KCNQ1OT1: variants seen among roughly 807,000 people sequenced by gnomAD.
KCNQ1OT1 encodes KCNQ1 antisense RNA 2 (non-protein coding).
Position 2,642,122 on chromosome 11 carries a change from C to A in KCNQ1OT1, n.57873G>T, listed in dbSNP as rs1410409926. On this transcript the variant is annotated non_coding_transcript_exon_variant, in exon 1 of 1. Transcript: ENST00000597346. This position sits in a 1 kb window ranked among gnomAD's most constrained non-coding sequence, Gnocchi z 4.3. Reference sequence around the variant, plus strand: ...TATTCCAGCTCTTTTTTGGTTCCATCTGAATTTTAGGATTTTTTCTATTTC... The same window carrying A: ...TATTCCAGCTCTTTTTTGGTTCCATATGAATTTTAGGATTTTTTCTATTTC... 5.0e-6 allele frequency: 2 copies of A among 398,252 alleles called. No homozygotes were observed. Among genetic ancestry groups the A allele is most frequent in the African/African-American group, 4.1e-5 (2 of 48,706 alleles). 24.7% of individuals were successfully genotyped at this position (398,252 alleles called of 1,614,324 possible). A position where few individuals can be genotyped will look rare whatever the true frequency, so the allele number is the denominator to read the frequency against.
Position 2,682,478 on chromosome 11 carries a change from G to GTGAGTGAGTGAA in KCNQ1OT1, n.17516_17517insTTCACTCACTCA. 1 of 378,870 alleles carries GTGAGTGAGTGAA rather than the reference G, an allele frequency of 2.6e-6. No individual in the cohort carries two copies. The allele number at this position is 378,870 out of a possible 1,614,324, so 23.5% of individuals were successfully genotyped here. A position where few individuals can be genotyped will look rare whatever the true frequency, so the allele number is the denominator to read the frequency against. On this transcript the variant is annotated non_coding_transcript_exon_variant, in exon 1 of 1. Transcript: ENST00000597346. This position sits in a 1 kb window ranked among gnomAD's most constrained non-coding sequence, Gnocchi z 5.8. ...CGGACCCTCAGTGAATGTTTGACGA[G>GTGAGTGAGTGAA]TGAGTGAGTGAGTGAGTGAGTGAGT...
chr11:2,627,686 GTGTC>G lies in KCNQ1OT1; in HGVS notation n.72305_72308del. On this transcript the variant is annotated non_coding_transcript_exon_variant, in exon 1 of 1. Transcript: ENST00000597346. This position sits in a 1 kb window ranked among gnomAD's most constrained non-coding sequence, Gnocchi z 4.9. ...TGTGTGTGTATATATGTGTGTGTGT[GTGTC>G]TGTATGTATATGTATGTGATGTGTT... is the stretch of plus-strand genomic sequence containing the variant. 1 of 398,478 alleles carries G rather than the reference GTGTC, an allele frequency of 2.5e-6. No individual in the cohort carries two copies. The highest frequency in any genetic ancestry group is 4.4e-6 in the Non-Finnish European group (1 of 226,034). The allele number at this position is 398,478 out of a possible 1,614,324, so 24.7% of individuals were successfully genotyped here.
At position 2,664,605 on chromosome 11, in the gene KCNQ1OT1, C is replaced by G. The variant is rs1442588764; in HGVS notation, n.35390G>C. On this transcript the variant is annotated non_coding_transcript_exon_variant, in exon 1 of 1. Transcript: ENST00000597346. This position sits in a 1 kb window ranked among gnomAD's most constrained non-coding sequence, Gnocchi z 5.1. Reference sequence around the variant, plus strand: ...GGGCTGCATTCCTCCACCTCCTGCACAGCCCGCCCAGTGATGCCCATAATT... The same window carrying G: ...GGGCTGCATTCCTCCACCTCCTGCAGAGCCCGCCCAGTGATGCCCATAATT... 2 of 398,586 alleles carry G rather than the reference C, an allele frequency of 5.0e-6. No individual in the cohort carries two copies. The highest frequency in any genetic ancestry group is 8.8e-6 in the Non-Finnish European group (2 of 226,168). 24.7% of individuals were successfully genotyped at this position (398,586 alleles called of 1,614,324 possible). A position where few individuals can be genotyped will look rare whatever the true frequency, so the allele number is the denominator to read the frequency against.
At chr11:2,629,624 A>C (rs1849320016) in exon 1 of KCNQ1OT1, 1 of 398,442 alleles carries the variant, frequency 2.5e-6, no homozygotes, top group Admixed American at 4.4e-5. Flanking sequence ...CATGCTTGTC[A>C]GAAATCATGC....
chr11:2,673,226 T>G lies in KCNQ1OT1; in HGVS notation n.26769A>C, dbSNP rs1590022861. 4 of 398,672 alleles carry G rather than the reference T, an allele frequency of 1.0e-5. No individual in the cohort carries two copies. 24.7% of individuals were successfully genotyped at this position (398,672 alleles called of 1,614,324 possible). ...CTGTGACTAGGCAAGCTGAGTCCCC[T>G]GTAGATTCTGGGGACTGGGTGATGC... is the stretch of plus-strand genomic sequence containing the variant. On this transcript the variant is annotated non_coding_transcript_exon_variant, in exon 1 of 1. Coordinates refer to ENST00000597346, the Ensembl canonical transcript of KCNQ1OT1. This position sits in a 1 kb window ranked among gnomAD's most constrained non-coding sequence, Gnocchi z 4.5.
At chr11:2,631,909 G>A (rs1007658113) in exon 1 of KCNQ1OT1, 8 of 397,490 alleles carry the variant, frequency 2.0e-5, no homozygotes, top group Admixed American at 4.4e-5. Flanking sequence ...AAAGCTGGGC[G>A]CAGTGGCTCA....
In KCNQ1OT1 at chr11:2,674,266, C is replaced by T. The variant is rs1016881853; in HGVS notation, n.25729G>A. ...CTGGAGGCCCCTCTCTCCCAGCCCC[C>T]GGCACACACACTAGGACCTTTCTTC... On this transcript the variant is annotated non_coding_transcript_exon_variant, in exon 1 of 1. Transcript: ENST00000597346. This position sits in a 1 kb window ranked among gnomAD's most constrained non-coding sequence, Gnocchi z 5.9. 1.8e-5 allele frequency: 7 copies of T among 398,552 alleles called. No homozygotes were observed. The highest frequency in any genetic ancestry group is 6.2e-5 in the African/African-American group (3 of 48,600). The allele number at this position is 398,552 out of a possible 1,614,324, so 24.7% of individuals were successfully genotyped here.
At chr11:2,697,284 T>C (rs1367866212) in exon 1 of KCNQ1OT1, 1 of 398,446 alleles carries the variant, frequency 2.5e-6, no homozygotes, top group Non-Finnish European at 4.4e-6. Context: ...ATACAACAAG[T>C]CGTAACACCA....
exon 1 of KCNQ1OT1, chr11:2,689,610 G>T (rs1193138584): frequency 1.3e-5 from 5 of 398,570 alleles, no homozygotes; most frequent in Non-Finnish European, 2.2e-5. Context: ...CAAGGATCCG[G>T]GTATTTTAGG....
chr11:2,652,538 G>C lies in KCNQ1OT1; in HGVS notation n.47457C>G. 2.5e-6 allele frequency: 1 copy of C among 398,598 alleles called. No homozygotes were observed. The highest frequency in any genetic ancestry group is 4.4e-6 in the Non-Finnish European group (1 of 226,064). The allele number at this position is 398,598 out of a possible 1,614,324, so 24.7% of individuals were successfully genotyped here. A position where few individuals can be genotyped will look rare whatever the true frequency, so the allele number is the denominator to read the frequency against. ...GTGAGCTCAACTCTTGGAGAAGATA[G>C]TGCTTAACCCAGATTCCATTGTATA... On this transcript the variant is annotated non_coding_transcript_exon_variant, in exon 1 of 1. Transcript: ENST00000597346. The surrounding 1 kb of genome is among the most constrained non-coding windows in gnomAD (Gnocchi z 5.9).
At position 2,609,686 on chromosome 11, in the gene KCNQ1OT1, T is replaced by C. The variant is rs1848946178; in HGVS notation, n.90309A>G. ...GTTCAGTTCTGTCAGTTTTTGCTTC[T>C]TATGTTTTAGTTCTCTATTGTTAGG... On this transcript the variant is annotated non_coding_transcript_exon_variant, in exon 1 of 1. Transcript: ENST00000597346. The C allele has an allele frequency of 1.3e-5, 5 of 398,406 alleles. No homozygotes were observed. The East Asian group carries it at 1.8e-4, about 14-fold the overall frequency. 24.7% of individuals were successfully genotyped at this position (398,406 alleles called of 1,614,324 possible).
Position 2,657,556 on chromosome 11 carries a change from C to T in KCNQ1OT1, n.42439G>A. On this transcript the variant is annotated non_coding_transcript_exon_variant, in exon 1 of 1. Transcript: ENST00000597346. The surrounding 1 kb of genome is among the most constrained non-coding windows in gnomAD (Gnocchi z 4.8). Reference sequence around the variant, plus strand: ...ACCCACATCCCTTTCACCAGCTTCCCCTAATGTTAGCATCTTATATAACCA... The same window carrying T: ...ACCCACATCCCTTTCACCAGCTTCCTCTAATGTTAGCATCTTATATAACCA... The T allele has an allele frequency of 2.5e-6, 1 of 398,552 alleles. No homozygotes were observed. The highest frequency in any genetic ancestry group is 2.1e-5 in the African/African-American group (1 of 48,742). The allele number at this position is 398,552 out of a possible 1,614,324, so 24.7% of individuals were successfully genotyped here. A position where few individuals can be genotyped will look rare whatever the true frequency, so the allele number is the denominator to read the frequency against.
In KCNQ1OT1 at chr11:2,621,112, G is replaced by A. The variant is rs1478036888; in HGVS notation, n.78883C>T. The A allele has an allele frequency of 2.5e-6, 1 of 397,012 alleles. No individual in the cohort carries two copies. Among genetic ancestry groups the A allele is most frequent in the Non-Finnish European group, 4.4e-6 (1 of 225,746 alleles). The allele number at this position is 397,012 out of a possible 1,614,324, so 24.6% of individuals were successfully genotyped here. ...CCTGTCTCAGACTCCTGAGTAGCTG[G>A]GATTACAGGTGACCGCCACCATACC... On this transcript the variant is annotated non_coding_transcript_exon_variant, in exon 1 of 1. Transcript: ENST00000597346. The surrounding 1 kb of genome is among the most constrained non-coding windows in gnomAD (Gnocchi z 5.7).
At chr11:2,622,488 T>C in exon 1 of KCNQ1OT1, 1 of 398,486 alleles carries the variant, frequency 2.5e-6, no homozygotes, top group Non-Finnish European at 4.4e-6. Flanking sequence ...TGGTTTTCTT[T>C]TAAATCCATT....
Position 2,654,229 on chromosome 11 carries a change from A to G in KCNQ1OT1, n.45766T>C. Reference sequence around the variant, plus strand: ...GCAGGGCCTGGCTGCAGCTGTCCGGATGCCCCTGGGGAGGGCTTCTCCTTC... The same window carrying G: ...GCAGGGCCTGGCTGCAGCTGTCCGGGTGCCCCTGGGGAGGGCTTCTCCTTC... On this transcript the variant is annotated non_coding_transcript_exon_variant, in exon 1 of 1. Coordinates refer to ENST00000597346, the Ensembl canonical transcript of KCNQ1OT1. The surrounding 1 kb of genome is among the most constrained non-coding windows in gnomAD (Gnocchi z 6.4). The G allele has an allele frequency of 2.5e-6, 1 of 398,632 alleles. No homozygotes were observed. The highest frequency in any genetic ancestry group is 3.6e-5 in the East Asian group (1 of 28,040). 24.7% of individuals were successfully genotyped at this position (398,632 alleles called of 1,614,324 possible). A position where few individuals can be genotyped will look rare whatever the true frequency, so the allele number is the denominator to read the frequency against.
exon 1 of KCNQ1OT1, chr11:2,634,327 T>TC (rs1554900017): frequency 2.2e-5 from 2 of 92,926 alleles, no homozygotes; most frequent in Non-Finnish European, 2.0e-5. Context: ...CCCTCCCCCC[T>TC]CCCCCCCCAC....
At position 2,671,443 on chromosome 11, in the gene KCNQ1OT1, G is replaced by C. The variant is rs1003539915; in HGVS notation, n.28552C>G. 11 of 398,508 alleles carry C rather than the reference G, an allele frequency of 2.8e-5. No homozygotes were observed. Among genetic ancestry groups the C allele is most frequent in the African/African-American group, 2.1e-4 (10 of 48,634 alleles). 24.7% of individuals were successfully genotyped at this position (398,508 alleles called of 1,614,324 possible). On this transcript the variant is annotated non_coding_transcript_exon_variant, in exon 1 of 1. Coordinates refer to ENST00000597346, the Ensembl canonical transcript of KCNQ1OT1. This position sits in a 1 kb window ranked among gnomAD's most constrained non-coding sequence, Gnocchi z 4.7. ...CCCAGAGATTCTCCCACTTTAGCAG[G>C]CAGAAGAGCAACCCAGCAGGGGATA...
chr11:2,626,991 G>A lies in KCNQ1OT1; in HGVS notation n.73004C>T, dbSNP rs1849272159. The stretch of plus-strand genomic sequence containing the variant: ...TTAGGATTTTTATTGGGATTACCTT[G>A]GATTTGTAGATTGTTTTGTGTGGTA... On this transcript the variant is annotated non_coding_transcript_exon_variant, in exon 1 of 1. Coordinates refer to ENST00000597346, the Ensembl canonical transcript of KCNQ1OT1. This position sits in a 1 kb window ranked among gnomAD's most constrained non-coding sequence, Gnocchi z 4.0. 1 of 398,516 alleles carries A rather than the reference G, an allele frequency of 2.5e-6. No homozygotes were observed. Among genetic ancestry groups the A allele is most frequent in the Non-Finnish European group, 4.4e-6 (1 of 226,032 alleles). The allele number at this position is 398,516 out of a possible 1,614,324, so 24.7% of individuals were successfully genotyped here.
At chr11:2,610,092 C>G (rs1466258897) in exon 1 of KCNQ1OT1, 2 of 397,738 alleles carry the variant, frequency 5.0e-6, no homozygotes, top group Non-Finnish European at 8.9e-6. Flanking sequence ...TCCTCTATTT[C>G]TCCTTTGCTG....
Sources: gnomAD v4.1 joint callset for allele counts on GRCh38, gnomAD v4.1.1 for gene constraint, Gnocchi (gnomAD v3.1) non-coding constraint, MANE v1.5 for transcripts, NCBI Gene and HGNC (gene_info 2026-07-23, HGNC 2026-07-21) for gene names.